Variants in NELFB observed in about 807,000 individuals in gnomAD.
NELFB encodes the protein negative elongation factor complex member B.
In NELFB, 34 loss-of-function variants were observed where a neutral mutation model predicts 60.2. The ratio of observed to expected loss-of-function variants is 0.56; its 90% confidence interval spans 0.43 to 0.75. The LOEUF is 0.75. Ranked by LOEUF, NELFB falls within the 30% of genes least tolerant of loss-of-function variation. NELFB has a pLI of 0.00. For synonymous variants in NELFB, 459 were observed against 382.1 expected (o/e 1.20, Z -2.35); for missense variants, 770 against 831.6 (o/e 0.93, Z 0.91).
At chr9:137,267,438 G>A in intron 10 of NELFB, 92 bp downstream of exon 10, 1 of 1,095,606 alleles carries the variant, frequency 9.1e-7, no homozygotes, top group Non-Finnish European at 1.3e-6. Context: ...GGGCCCCCAG[G>A]AGCTGCCTTG....
chr9:137,256,157 G>A (rs1837547495), intron 2 of NELFB, 87 bp downstream of exon 2: 1 of 1,474,744 alleles, frequency 6.8e-7, no homozygotes, highest in South Asian at 1.2e-5. Flanking sequence ...TGTCCTTTTG[G>A]CTCCACATCC....
At chr9:137,266,607 C>T (rs1830520231) in intron 8 of NELFB, among the ~76,000 whole-genome samples, 181 bp downstream of exon 8, 1 of 152,068 alleles carries the variant, frequency 6.6e-6, no homozygotes, top group East Asian at 1.9e-4. Flanking sequence ...GGGGTGTCTC[C>T]GTGGACCCTG....
chr9:137,256,912 A>G lies in NELFB; in HGVS notation c.599A>G (p.Asp200Gly), dbSNP rs1225669237. Residue 200 changes from aspartate to glycine, a missense_variant, in exon 4 of 13, where the codon GAC becomes GGC. Asp to Gly is a moderately conservative substitution (Grantham distance 94). Coordinates refer to ENST00000343053, the MANE Select transcript of NELFB (RefSeq NM_015456.5). ...GAGGTGAAGCGGCAGATCTGGCAAG[A>G]CAACCAGGCCCTCTTCGGGGACGAG... The G allele has an allele frequency of 6.2e-7, 1 of 1,614,228 alleles. No homozygotes were observed. The highest frequency in any genetic ancestry group is 8.5e-7 in the Non-Finnish European group (1 of 1,180,042).
At chr9:137,266,801 A>G in intron 8 of NELFB, 143 bp from the exon 9 acceptor site, 2 of 921,452 alleles carry the variant, frequency 2.2e-6, no homozygotes, top group Non-Finnish European at 3.1e-6. Context: ...AGGTGGGAAG[A>G]GGGACCTGGG....
chr9:137,261,339 CAA>C (rs749817003), intron 4 of NELFB, among the ~76,000 whole-genome samples: 274 of 65,608 alleles, frequency 4.2e-3, no homozygotes, highest in African/African-American at 0.014. Context: ...GACTCGGTTT[CAA>C]AAAAAAAAAA....
At chr9:137,265,104 C>T (rs950495863) in intron 6 of NELFB, among the ~76,000 whole-genome samples, 2 of 145,978 alleles carry the variant, frequency 1.4e-5, no homozygotes, top group Non-Finnish European at 3.0e-5. Context: ...GTACAGTCTC[C>T]CTCAACCTCC....
chr9:137,264,138 C>A, intron 5 of NELFB, 107 bp from the exon 6 acceptor site: 1 of 791,438 alleles, frequency 1.3e-6, no homozygotes, highest in Non-Finnish European at 2.1e-6. Context: ...CCCCCCGCAG[C>A]AGCTATGATT....
At chr9:137,272,354 A>G in intron 11 of NELFB, 132 bp downstream of exon 11, 4 of 1,485,500 alleles carry the variant, frequency 2.7e-6, no homozygotes, top group Non-Finnish European at 3.7e-6. Flanking sequence ...CAGGGCTCGC[A>G]TGTGGCCCTG....
chr9:137,262,879 C>G (rs896657836), intron 4 of NELFB, among the ~76,000 whole-genome samples, 158 bp from the exon 5 acceptor site: 1 of 152,210 alleles, frequency 6.6e-6, no homozygotes, highest in African/African-American at 2.4e-5. Flanking sequence ...TACCATCAGA[C>G]TGGGGGCCAA....
At position 137,265,960 on chromosome 9, in the gene NELFB, G is replaced by T. The variant is rs768792755; in HGVS notation, c.1124G>T (p.Gly375Val). ...GTCAGGCACCTGCAGGAGCTGGTCGGCCAGGAGACACTGCCCAGGGTGAGT... is the reference window on the plus strand; with the variant it reads ...GTCAGGCACCTGCAGGAGCTGGTCGTCCAGGAGACACTGCCCAGGGTGAGT... The change falls in exon 7 of 13, where the codon GGC becomes GTC. Residue 375 changes from glycine to valine, a missense_variant. Physicochemically the swap from Gly to Val is moderately radical, Grantham distance 109. Transcript: ENST00000343053. The T allele has an allele frequency of 2.5e-6, 4 of 1,612,570 alleles. No individual in the cohort carries two copies. Among genetic ancestry groups the T allele is most frequent in the African/African-American group, 1.3e-5 (1 of 75,054 alleles).
chr9:137,256,481 C>A, intron 3 of NELFB, 53 bp downstream of exon 3: 2 of 1,527,340 alleles, frequency 1.3e-6, no homozygotes, highest in Admixed American at 1.7e-5. Context: ...CACTCTCATG[C>A]CCTTGGTTAG....
rs998929827 is a variant in NELFB at position 137,269,932 on chromosome 9, A to G, written c.1490-2149A>G. On this transcript the variant is annotated intron_variant, in intron 10 of 12. Coordinates refer to ENST00000343053, the MANE Select transcript of NELFB (RefSeq NM_015456.5). This position sits in a 1 kb window ranked among gnomAD's most constrained non-coding sequence, Gnocchi z 5.3. ...TGTTCTTAAGTTTTTAGCGGGTTCT[A>G]GTAAGAATGGATGTTGATTTTTAGA... is the stretch of plus-strand genomic sequence containing the variant. 2.0e-5 allele frequency among the ~76,000 whole-genome samples: 3 copies of G among 152,162 alleles called. No homozygotes were observed. The highest frequency in any genetic ancestry group is 7.2e-5 in the African/African-American group (3 of 41,426).
At chr9:137,261,617 C>G (rs1333779700) in intron 4 of NELFB, among the ~76,000 whole-genome samples, 3 of 149,490 alleles carry the variant, frequency 2.0e-5, no homozygotes, top group Non-Finnish European at 4.4e-5. Flanking sequence ...AAGATCTTGC[C>G]ATTGCACTCC....
intron 5 of NELFB, 48 bp downstream of exon 5, chr9:137,263,270 T>A (rs753303673): frequency 6.5e-7 from 1 of 1,533,266 alleles, no homozygotes. Context: ...AAGGTAGTGC[T>A]GCCCTCCCTC....
At chr9:137,265,677 GCGCCCGGCCTGC>G in intron 6 of NELFB, among the ~76,000 whole-genome samples, 188 bp from the exon 7 acceptor site, 1 of 123,728 alleles carries the variant, frequency 8.1e-6, no homozygotes, top group Admixed American at 8.0e-5. Flanking sequence ...CTGAGCCGCC[GCGCCCGGCCTGC>G]CAAAGTGCTG....
chr9:137,256,267 C>T (rs974023095), intron 2 of NELFB, 62 bp from the exon 3 acceptor site: 45 of 1,510,426 alleles, frequency 3.0e-5, no homozygotes, highest in South Asian at 2.3e-4. Flanking sequence ...TGTGTAGGGA[C>T]AGGCAGGTAG....
chr9:137,269,142 G>A lies in NELFB; in HGVS notation c.1489+1796G>A, dbSNP rs1298482736. 1.3e-5 allele frequency among the ~76,000 whole-genome samples: 2 copies of A among 152,092 alleles called. No homozygotes were observed. Among genetic ancestry groups the A allele is most frequent in the Non-Finnish European group, 2.9e-5 (2 of 68,020 alleles). On this transcript the variant is annotated intron_variant, in intron 10 of 12. Coordinates refer to ENST00000343053, the MANE Select transcript of NELFB (RefSeq NM_015456.5). The surrounding 1 kb of genome is among the most constrained non-coding windows in gnomAD (Gnocchi z 5.3). ...TGGCTGGTGTGTTTGAGGATGGCGCGTGCATGCGTTTTCCAGCTTTCTTTG... is the reference window on the plus strand; with the variant it reads ...TGGCTGGTGTGTTTGAGGATGGCGCATGCATGCGTTTTCCAGCTTTCTTTG...
At chr9:137,266,102 C>A in intron 7 of NELFB, 123 bp downstream of exon 7, 1 of 826,800 alleles carries the variant, frequency 1.2e-6, no homozygotes, top group Non-Finnish European at 2.0e-6. Flanking sequence ...TGTGGCCGCC[C>A]TGCTGGCTGC....
chr9:137,256,456 C>T (rs1837553026), intron 3 of NELFB, 28 bp downstream of exon 3: 5 of 1,592,338 alleles, frequency 3.1e-6, no homozygotes, highest in Non-Finnish European at 4.3e-6. Flanking sequence ...ACCCTGATGG[C>T]GTGGACCGTC....
Sources: gnomAD v4.1 joint callset for allele counts (sites outside exome capture counted in the v4.1 genomes callset) on GRCh38, gnomAD v4.1.1 for gene constraint, Gnocchi (gnomAD v3.1) non-coding constraint, MANE v1.5 for transcripts, NCBI Gene and HGNC (gene_info 2026-07-23, HGNC 2026-07-21) for gene names.